Variants in P2RY10 observed in about 807,000 individuals in gnomAD.
P2RY10 encodes the protein putative P2Y purinoceptor 10.
In P2RY10, 4 loss-of-function variants were observed where a neutral mutation model predicts 12.1. The ratio of observed to expected loss-of-function variants is 0.33; its 90% CI spans 0.16 to 0.76. The LOEUF (loss-of-function observed/expected upper bound fraction) is 0.76, where lower values mean the gene tolerates loss of function less well. P2RY10 is among the 30% of genes least tolerant of loss of function. The pLI is 0.61. For missense variants in P2RY10, 233 were observed against 264.6 expected, an observed-to-expected ratio of 0.88 and a Z score of 0.83; for synonymous variants, 112 against 94.1, an observed-to-expected ratio of 1.19 and a Z score of -1.10.
Position 78,960,548 on chromosome X carries a change from A to G in P2RY10, c.28A>G (p.Thr10Ala). The change falls in exon 4 of 4, where the codon ACA becomes GCA. Residue 10 changes from threonine (T) to alanine (A), a missense_variant. Coordinates refer to ENST00000171757, the MANE Select transcript of P2RY10 (RefSeq NM_014499.4). MANLDKYTE[T>A]FKMGSNSTST... ...GGCTAACCTTGACAAATACACTGAAACATTCAAGATGGGTAGCAACAGTAC... is the reference window on the plus strand; with the variant it reads ...GGCTAACCTTGACAAATACACTGAAGCATTCAAGATGGGTAGCAACAGTAC... 8.3e-7 allele frequency: 1 copy of G among 1,209,782 alleles called. No individual in the cohort carries two copies. The highest frequency in any genetic ancestry group is 1.1e-6 in the Non-Finnish European group (1 of 894,216).
At position 78,947,875 on chromosome X, in the gene P2RY10, C is replaced by A; in HGVS notation, c.-157+12C>A. The A allele has an allele frequency of 1.5e-6, 1 of 668,626 alleles. No homozygotes were observed. The highest frequency in any genetic ancestry group is 1.8e-6 in the Non-Finnish European group (1 of 561,032). The allele number at this position is 668,626 out of a possible 1,213,427, so 55.1% of individuals were successfully genotyped here. Reference sequence around the variant, plus strand: ...CAGGCAAATGCTTTGTAAGTAATTTCCCTTTTTTAAAAATGAGAAAATGCA... The same window carrying A: ...CAGGCAAATGCTTTGTAAGTAATTTACCTTTTTTAAAAATGAGAAAATGCA... On this transcript the variant is annotated intron_variant, in intron 2 of 3. Transcript: ENST00000171757.
At chrX:78,949,151 G>A (rs1378153748) in intron 2 of P2RY10, among the ~76,000 whole-genome samples, 2 of 111,308 alleles carry the variant, frequency 1.8e-5, no homozygotes, top group African/African-American at 3.3e-5. Flanking sequence ...GTGATGTGGA[G>A]CATTTTTTCG....
intron 3 of P2RY10, 25 bp from the exon 4 acceptor site, chrX:78,960,483 C>T: frequency 2.6e-6 from 3 of 1,152,439 alleles, no homozygotes; most frequent in Non-Finnish European, 3.5e-6. Flanking sequence ...CCATTTTACT[C>T]TTTATTTTGT....
intron 3 of P2RY10, among the ~76,000 whole-genome samples, chrX:78,955,669 T>C (rs996159224): frequency 8.9e-6 from 1 of 112,566 alleles, no homozygotes; most frequent in Non-Finnish European, 1.9e-5. Context: ...GCTACATTCA[T>C]GGAGATTCTT....
intron 3 of P2RY10, among the ~76,000 whole-genome samples, chrX:78,954,629 T>C: frequency 8.9e-6 from 1 of 112,282 alleles, no homozygotes; most frequent in Middle Eastern, 4.6e-3. Flanking sequence ...AAATCCGTTA[T>C]GGTTAGTTAC....
At chrX:78,949,464 G>A (rs1922006902) in intron 2 of P2RY10, among the ~76,000 whole-genome samples, 1 of 111,873 alleles carries the variant, frequency 8.9e-6, no homozygotes, top group Non-Finnish European at 1.9e-5. Flanking sequence ...GAAGTGAATT[G>A]TTTCAGGCCA....
At chrX:78,948,979 A>G (rs902643137) in intron 2 of P2RY10, among the ~76,000 whole-genome samples, 1 of 112,001 alleles carries the variant, frequency 8.9e-6, no homozygotes, top group African/African-American at 3.2e-5. Context: ...ACTGTTTTCT[A>G]TAGAAGTTGT....
intron 3 of P2RY10, among the ~76,000 whole-genome samples, chrX:78,957,387 C>CACACAG (rs760263078): frequency 2.1e-4 from 16 of 75,828 alleles, no homozygotes; most frequent in African/African-American, 6.6e-4. Flanking sequence ...CACACACACA[C>CACACAG]AGAGAGAGAG....
intron 2 of P2RY10, among the ~76,000 whole-genome samples, chrX:78,948,123 G>A (rs1921932662): frequency 8.9e-6 from 1 of 112,050 alleles, no homozygotes; most frequent in South Asian, 3.7e-4. Flanking sequence ...ACAGTTAAGA[G>A]GATTTTGTAG....
At chrX:78,945,805 A>C (rs918360101) in intron 1 of P2RY10, among the ~76,000 whole-genome samples, 9 of 112,017 alleles carry the variant, frequency 8.0e-5, no homozygotes, top group African/African-American at 2.9e-4. Flanking sequence ...TGGTAAGAAG[A>C]GTATATTCAG....
chrX:78,946,707 T>C (rs2147261684), intron 1 of P2RY10, among the ~76,000 whole-genome samples: 1 of 112,473 alleles, frequency 8.9e-6, no homozygotes, highest in East Asian at 2.8e-4. Context: ...TGGTGTAAAC[T>C]ACAGTCAGAA....
At chrX:78,957,339 T>C (rs181840747) in intron 3 of P2RY10, among the ~76,000 whole-genome samples, 1 of 72,292 alleles carries the variant, frequency 1.4e-5, no homozygotes, top group Non-Finnish European at 2.8e-5. Context: ...GCCAGACTCA[T>C]AGATAGAGGA....
At chrX:78,956,310 A>G (rs1922330625) in intron 3 of P2RY10, among the ~76,000 whole-genome samples, 1 of 111,703 alleles carries the variant, frequency 9.0e-6, no homozygotes, top group South Asian at 3.7e-4. Flanking sequence ...GAATATTGAT[A>G]GGAGAAGCCC....
rs1922575687 is a variant in P2RY10 at position 78,960,802 on chromosome X, C to T, written c.282C>T (p.Tyr94=). Residue 94 remains tyrosine, a synonymous_variant, in exon 4 of 4, where the codon TAC becomes TAT. Transcript: ENST00000171757. The stretch of plus-strand genomic sequence containing the variant: ...CTTTACCCCTCCGGATTTACTATTA[C>T]ATCAGCCACCACTGGCCTTTCCAGA... ...VLSLPLRIYY[Y]ISHHWPFQRA... 2 of 1,211,433 alleles carry T rather than the reference C, an allele frequency of 1.7e-6. No individual in the cohort carries two copies. Among genetic ancestry groups the T allele is most frequent in the African/African-American group, 1.7e-5 (1 of 57,882 alleles).
Position 78,962,946 on chromosome X carries a change from T to A in P2RY10, c.*1406T>A, listed in dbSNP as rs1922706891. ...GTGAGCGTAATTGACAATATCTGCA[T>A]TAGAAACAGAAAGTATTATCCATCA... On this transcript the variant is annotated 3_prime_UTR_variant, in exon 4 of 4. Coordinates refer to ENST00000171757, the MANE Select transcript of P2RY10 (RefSeq NM_014499.4). Among the ~76,000 whole-genome samples the A allele has an allele frequency of 8.9e-6, 1 of 112,390 alleles. No individual in the cohort carries two copies. Among genetic ancestry groups the A allele is most frequent in the Non-Finnish European group, 1.9e-5 (1 of 53,273 alleles).
At chrX:78,946,668 G>T (rs1449127141) in intron 1 of P2RY10, among the ~76,000 whole-genome samples, 1 of 112,475 alleles carries the variant, frequency 8.9e-6, no homozygotes, top group Non-Finnish European at 1.9e-5. Context: ...ATGAAAGTAG[G>T]TGATATGCAG....
Position 78,961,908 on chromosome X carries a change from A to C in P2RY10, c.*368A>C, listed in dbSNP as rs760345575. The C allele has an allele frequency of 1.2e-4, 17 of 136,791 alleles. No individual in the cohort carries two copies. The highest frequency in any genetic ancestry group is 2.2e-4 in the Non-Finnish European group (14 of 62,794). The allele number at this position is 136,791 out of a possible 1,213,427, so 11.3% of individuals were successfully genotyped here. ...TGTGAATTTTTCCTAGATGTAAAAA[A>C]AAAAATCTTTCATATAAAGACCTTA... On this transcript the variant is annotated 3_prime_UTR_variant, in exon 4 of 4. Coordinates refer to ENST00000171757, the MANE Select transcript of P2RY10 (RefSeq NM_014499.4).
intron 3 of P2RY10, among the ~76,000 whole-genome samples, chrX:78,958,674 C>T (rs1922458395): frequency 8.9e-6 from 1 of 111,983 alleles, no homozygotes; most frequent in Non-Finnish European, 1.9e-5. Flanking sequence ...TTTTGGGATA[C>T]ATCCTTGATC....
At chrX:78,955,412 A>G (rs1242750326) in intron 3 of P2RY10, among the ~76,000 whole-genome samples, 1 of 112,430 alleles carries the variant, frequency 8.9e-6, no homozygotes, top group Admixed American at 9.4e-5. Flanking sequence ...CCAATAGGTA[A>G]GAAAAGCTTA....
Sources: gnomAD v4.1 joint callset for allele counts (sites outside exome capture counted in the v4.1 genomes callset) on GRCh38, gnomAD v4.1.1 for gene constraint, MANE v1.5 for transcripts, NCBI Gene and HGNC (gene_info 2026-07-23, HGNC 2026-07-21) for gene names.